BORA: variants seen among roughly 807,000 people sequenced by gnomAD.
BORA encodes the protein BORA aurora kinase A activator.
Under a neutral mutation model 55.8 loss-of-function variants are expected in BORA, and 26 were observed. That is an observed-to-expected ratio of 0.47 (90% confidence interval 0.34 to 0.65). BORA has a LOEUF of 0.65. BORA is among the 30% of genes least tolerant of loss of function. BORA has a pLI of 0.01. For missense variants in BORA, 568 were observed against 671.5 expected, an observed-to-expected ratio of 0.85 and a Z score of 1.70; for synonymous variants, 201 against 216.9, an observed-to-expected ratio of 0.93 and a Z score of 0.64.
intron 5 of BORA, among the ~76,000 whole-genome samples, chr13:72,742,426 G>T (rs1355210635): frequency 6.6e-6 from 1 of 151,800 alleles, no homozygotes. Context: ...TCTTGTGAAA[G>T]AAACTATATG....
In BORA at chr13:72,740,452, A is replaced by C. The variant is rs79452438; in HGVS notation, c.388+2409A>C. Among the ~76,000 whole-genome samples the C allele has an allele frequency of 2.4e-3, 368 of 152,242 alleles. 2 individuals carry two copies. Among genetic ancestry groups the C allele is most frequent in the African/African-American group, 8.6e-3 (357 of 41,532 alleles). ...GGCCACGTGTGACTATTTAAATTTA[A>C]AGTTAAATTTAAAAATGGAGTTCCC... On this transcript the variant is annotated intron_variant, in intron 5 of 11. Transcript: ENST00000390667.
rs1430094750 is a variant in BORA at position 72,743,544 on chromosome 13, C to T, written c.396C>T (p.Asn132=). Residue 132 remains asparagine, a synonymous_variant, in exon 6 of 12, where the codon AAC becomes AAT. Coordinates refer to ENST00000390667, the MANE Select transcript of BORA (RefSeq NM_024808.5). ...ACTTAAAATGTCTTACAGGCACTAA[C>T]ATAAATAGTGACTCTCCAGTTGGAA... is the stretch of plus-strand genomic sequence containing the variant. ...LSQCHSSKCT[N]INSDSPVGKK... The T allele has an allele frequency of 6.2e-7, 1 of 1,608,798 alleles. No individual in the cohort carries two copies. The highest frequency in any genetic ancestry group is 1.7e-4 in the Middle Eastern group (1 of 6,042).
intron 2 of BORA, 70 bp downstream of exon 2, chr13:72,729,163 A>AAG: frequency 7.9e-7 from 1 of 1,270,950 alleles, no homozygotes; most frequent in Non-Finnish European, 1.1e-6. Context: ...TTTAAATGTA[A>AAG]ACATCTGTCT....
intron 3 of BORA, among the ~76,000 whole-genome samples, chr13:72,731,843 A>G (rs1269269258): frequency 2.0e-5 from 3 of 152,250 alleles, no homozygotes; most frequent in East Asian, 1.9e-4. Flanking sequence ...AAGGGTATCC[A>G]TTAGCAACAG....
chr13:72,753,667 T>C, intron 10 of BORA, 23 bp from the exon 11 acceptor site: 3 of 1,598,722 alleles, frequency 1.9e-6, no homozygotes, highest in East Asian at 2.2e-5. Flanking sequence ...CACAATATAT[T>C]TTTTTCTTTT....
At position 72,746,639 on chromosome 13, in the gene BORA, T is replaced by A; in HGVS notation, c.1010T>A (p.Met337Lys). The change falls in exon 10 of 12, where the codon ATG (methionine) becomes AAG (lysine). Residue 337 changes from methionine (M) to lysine (K), a missense_variant. By Grantham distance (95) the Met-to-Lys change is moderately conservative. Transcript: ENST00000390667. The stretch of plus-strand genomic sequence containing the variant: ...AATTGGTCTCCTATGAGACTTCAGA[T>A]GTATAGTGGTGGTACTCAGTATCGG... ...IKNWSPMRLQ[M>K]YSGGTQYRTS... is the part of the protein sequence containing the mutation. 1 of 1,614,152 alleles carries A rather than the reference T, an allele frequency of 6.2e-7. No homozygotes were observed. The highest frequency in any genetic ancestry group is 8.5e-7 in the Non-Finnish European group (1 of 1,179,990).
At chr13:72,749,925 T>C (rs2033230798) in intron 10 of BORA, among the ~76,000 whole-genome samples, 1 of 152,192 alleles carries the variant, frequency 6.6e-6, no homozygotes, top group South Asian at 2.1e-4. Flanking sequence ...TTCTTTCCAA[T>C]CAGACCACTA....
chr13:72,747,260 TGAGAA>T (rs948829302), intron 10 of BORA, 149 bp downstream of exon 10: 47 of 788,270 alleles, frequency 6.0e-5, no homozygotes, highest in Non-Finnish European at 7.6e-5. Context: ...CCAAGTGATA[TGAGAA>T]GAGTAAATTT....
At chr13:72,743,638 C>CA in intron 6 of BORA, 36 bp downstream of exon 6, 1 of 1,502,756 alleles carries the variant, frequency 6.7e-7, no homozygotes, top group Non-Finnish European at 9.2e-7. Flanking sequence ...AAGGATGTTC[C>CA]ATATTAAGCT....
chr13:72,732,458 T>G (rs575166146), intron 3 of BORA, among the ~76,000 whole-genome samples: 1 of 152,218 alleles, frequency 6.6e-6, no homozygotes, highest in African/African-American at 2.4e-5. Context: ...GCAGATCACT[T>G]GAGGTCATGA....
rs187154562 is a variant in BORA at position 72,734,882 on chromosome 13, A to C, written c.261-78A>C. ...AGTTTTCAATGAAGGGAGATTATTT[A>C]TTTGAAAGGTTATTTTTTAAAATGT... On this transcript the variant is annotated intron_variant, in intron 3 of 11. Coordinates refer to ENST00000390667, the MANE Select transcript of BORA (RefSeq NM_024808.5). 6.8e-5 allele frequency: 72 copies of C among 1,060,532 alleles called. No individual in the cohort carries two copies. The Admixed American group carries it at 1.2e-3, about 18-fold the overall frequency. 65.7% of individuals were successfully genotyped at this position (1,060,532 alleles called of 1,614,324 possible). A position where few individuals can be genotyped will look rare whatever the true frequency, so the allele number is the denominator to read the frequency against.
intron 10 of BORA, among the ~76,000 whole-genome samples, chr13:72,751,647 C>T (rs1031667317): frequency 3.3e-5 from 5 of 151,938 alleles, no homozygotes; most frequent in Admixed American, 2.0e-4. Context: ...AAGTACAGCT[C>T]GATAGGAGTA....
At chr13:72,728,132 G>A (rs760967006) in intron 1 of BORA, 125 bp downstream of exon 1, 1 of 1,312,170 alleles carries the variant, frequency 7.6e-7, no homozygotes, top group South Asian at 1.3e-5. Flanking sequence ...AGTAGGTGTG[G>A]AAGAGAGGGG....
chr13:72,746,896 G>C lies in BORA; in HGVS notation c.1267G>C (p.Asp423His). 1 of 1,614,130 alleles carries C rather than the reference G, an allele frequency of 6.2e-7. No individual in the cohort carries two copies. Among genetic ancestry groups the C allele is most frequent in the Non-Finnish European group, 8.5e-7 (1 of 1,180,000 alleles). Residue 423 changes from aspartate (D) to histidine (H), a missense_variant, in exon 10 of 12, where the codon GAT (aspartate) becomes CAT (histidine). Asp to His is a moderately conservative substitution (Grantham distance 81). Coordinates refer to ENST00000390667, the MANE Select transcript of BORA (RefSeq NM_024808.5). ...ASEKELALLQ[D>H]VEREKDNNTV... Reference sequence around the variant, plus strand: ...TGAGAAAGAATTAGCACTGTTGCAGGATGTTGAAAGGGAGAAAGACAATAA... The same window carrying C: ...TGAGAAAGAATTAGCACTGTTGCAGCATGTTGAAAGGGAGAAAGACAATAA...
intron 3 of BORA, among the ~76,000 whole-genome samples, chr13:72,734,702 C>G (rs1224164460): frequency 6.6e-6 from 1 of 152,042 alleles, no homozygotes; most frequent in Non-Finnish European, 1.5e-5. Flanking sequence ...CAATGTAAGT[C>G]TTTTGAAATA....
chr13:72,728,091 G>T, intron 1 of BORA, 84 bp downstream of exon 1: 2 of 1,517,684 alleles, frequency 1.3e-6, no homozygotes, highest in Non-Finnish European at 1.8e-6. Context: ...TTGCCTGCCC[G>T]CTCGCCCCTG....
intron 5 of BORA, among the ~76,000 whole-genome samples, chr13:72,741,086 G>A (rs2138068781): frequency 6.6e-6 from 1 of 152,302 alleles, no homozygotes; most frequent in South Asian, 2.1e-4. Context: ...ATGCAGCAAG[G>A]TGCTTCAGTG....
chr13:72,739,575 G>A (rs771119391), intron 5 of BORA, among the ~76,000 whole-genome samples: 2 of 152,184 alleles, frequency 1.3e-5, no homozygotes, highest in Non-Finnish European at 2.9e-5. Context: ...TTGTTTTGCT[G>A]TCCAGTATAG....
chr13:72,745,356 G>A, intron 8 of BORA, 149 bp downstream of exon 8: 1 of 652,912 alleles, frequency 1.5e-6, no homozygotes, highest in Non-Finnish European at 2.6e-6. Context: ...ATGAGGAAGG[G>A]CCTTTACTGG....
Sources: gnomAD v4.1 joint callset for allele counts (sites outside exome capture counted in the v4.1 genomes callset) on GRCh38, gnomAD v4.1.1 for gene constraint, MANE v1.5 for transcripts, NCBI Gene and HGNC (gene_info 2026-07-23, HGNC 2026-07-21) for gene names.